CYYR1: variants seen among roughly 807,000 people sequenced by gnomAD.
CYYR1 encodes cysteine and tyrosine-rich protein 1.
CYYR1 carries 14 observed loss-of-function variants against 15.2 expected under a neutral mutation model. The observed-to-expected ratio is 0.92, with a 90% CI of 0.61 to 1.44. CYYR1 has a LOEUF of 1.44. Ranked by LOEUF, CYYR1 falls within the 40% of genes most tolerant of loss-of-function variation. The pLI is 0.00. For synonymous variants in CYYR1, 80 were observed against 77.4 expected (o/e 1.03, Z -0.18); for missense variants, 228 against 209.5 (o/e 1.09, Z -0.54).
intron 2 of CYYR1, among the ~76,000 whole-genome samples, chr21:26,492,345 T>A (rs2065340465): frequency 6.6e-6 from 1 of 152,208 alleles, no homozygotes; most frequent in Non-Finnish European, 1.5e-5. Context: ...GTAATTGGCC[T>A]AGCTTTAATT....
chr21:26,536,180 C>A (rs1978299650), intron 2 of CYYR1, among the ~76,000 whole-genome samples: 1 of 152,054 alleles, frequency 6.6e-6, no homozygotes, highest in Non-Finnish European at 1.5e-5. Context: ...AAAGCAAGGG[C>A]AAAGTCCACC....
At chr21:26,474,998 C>T (rs1009972007) in intron 3 of CYYR1, among the ~76,000 whole-genome samples, 1 of 152,186 alleles carries the variant, frequency 6.6e-6, no homozygotes, top group African/African-American at 2.4e-5. Flanking sequence ...AGAACCCCAA[C>T]CCTTATTAAA....
At position 26,475,502 on chromosome 21, in the gene CYYR1, A is replaced by C. The variant is rs183510483; in HGVS notation, c.334+4770T>G. On this transcript the variant is annotated intron_variant, in intron 3 of 3. Coordinates refer to ENST00000652641, the MANE Select transcript of CYYR1 (RefSeq NM_001320768.2). ...AGACTTAAGGACACTGATTTCCAACAATCCCTTCTATCTTCTGTATTCATC... is the reference window on the plus strand; with the variant it reads ...AGACTTAAGGACACTGATTTCCAACCATCCCTTCTATCTTCTGTATTCATC... Among the ~76,000 whole-genome samples, 684 of 152,212 alleles carry C rather than the reference A, an allele frequency of 4.5e-3. 3 individuals are homozygous for C. Among genetic ancestry groups the C allele is most frequent in the Non-Finnish European group, 6.9e-3 (471 of 67,998 alleles).
At chr21:26,495,132 A>G (rs1468966815) in intron 2 of CYYR1, among the ~76,000 whole-genome samples, 1 of 152,226 alleles carries the variant, frequency 6.6e-6, no homozygotes, top group Non-Finnish European at 1.5e-5. Context: ...AGTTATTCAC[A>G]TAACTTATGT....
rs766866628 is a variant in CYYR1, at chr21:26,476,639, T to TTATC, written c.334+3629_334+3632dup. 1.1e-4 allele frequency among the ~76,000 whole-genome samples: 16 copies of TTATC among 145,678 alleles called. No homozygotes were observed. The South Asian group carries it at 1.1e-3, about 10-fold the overall frequency. On this transcript the variant is annotated intron_variant, in intron 3 of 3. Transcript: ENST00000652641. ...ATCTATCTATCTATCTAATCTTCTATTATCTATCTATCTATCTAAAAATCA... is the reference window on the plus strand; with the variant it reads ...ATCTATCTATCTATCTAATCTTCTATTATCTATCTATCTATCTATCTAAAAATCA...
rs763708386 is a variant in CYYR1 at position 26,468,559 on chromosome 21, G to T, written c.410C>A (p.Pro137Gln). ...ADLPPPYSPT[P>Q]QGPAQRSPPP... ...TGGAGAACGCTGTGCTGGACCCTGT[G>T]GGGTGGGGGAGTATGGAGGAGGCAA... is the stretch of plus-strand genomic sequence containing the variant. The change falls in exon 4 of 4, where the codon CCA (proline) becomes CAA (glutamine). Residue 137 changes from proline to glutamine, a missense_variant. By Grantham distance (76) the Pro-to-Gln change is moderately conservative. Transcript: ENST00000652641. The T allele has an allele frequency of 2.7e-5, 43 of 1,613,404 alleles. No homozygotes were observed. The East Asian group carries it at 9.4e-4, about 35-fold the overall frequency.
rs375469003 is a variant in CYYR1 at position 26,476,745 on chromosome 21, T to C, written c.334+3527A>G. The stretch of plus-strand genomic sequence containing the variant: ...TCTCTTGCTTTCCTTTTGTTAGTAT[T>C]TGACTTTTATATCTTTGGCAAGCCT... On this transcript the variant is annotated intron_variant, in intron 3 of 3. Coordinates refer to ENST00000652641, the MANE Select transcript of CYYR1 (RefSeq NM_001320768.2). 1.1e-4 allele frequency among the ~76,000 whole-genome samples: 17 copies of C among 152,248 alleles called. No homozygotes were observed. The South Asian group carries it at 3.5e-3, about 32-fold the overall frequency.
chr21:26,538,159 A>C (rs968379010), intron 2 of CYYR1, among the ~76,000 whole-genome samples: 4 of 152,176 alleles, frequency 2.6e-5, no homozygotes, highest in Admixed American at 2.6e-4. Context: ...ACCTTCTCTT[A>C]ATTCCAACAA....
chr21:26,500,726 C>G (rs114014868), intron 2 of CYYR1, among the ~76,000 whole-genome samples: 3 of 152,168 alleles, frequency 2.0e-5, no homozygotes, highest in Non-Finnish European at 4.4e-5. Context: ...ATTGGCCACA[C>G]CCCTCTCCCC....
chr21:26,545,567 CTTTTT>C (rs770885517), intron 2 of CYYR1, among the ~76,000 whole-genome samples: 5 of 73,742 alleles, frequency 6.8e-5, no homozygotes, highest in South Asian at 6.1e-4. Flanking sequence ...GATGCTTATT[CTTTTT>C]TTTTTTTTTT....
intron 2 of CYYR1, among the ~76,000 whole-genome samples, chr21:26,499,226 G>T (rs1396136460): frequency 1.3e-5 from 2 of 152,136 alleles, no homozygotes; most frequent in Non-Finnish European, 2.9e-5. Context: ...GTTCATACTG[G>T]ATTACCTGGG....
chr21:26,546,908 A>T (rs1979014209), intron 2 of CYYR1, among the ~76,000 whole-genome samples: 2 of 152,150 alleles, frequency 1.3e-5, no homozygotes, highest in Non-Finnish European at 2.9e-5. Flanking sequence ...TTCAGAGGAC[A>T]TTTAAAAGGC....
chr21:26,538,910 T>C (rs1019149022), intron 2 of CYYR1, among the ~76,000 whole-genome samples: 5 of 152,300 alleles, frequency 3.3e-5, no homozygotes, highest in East Asian at 1.9e-4. Context: ...ATTTGTGATA[T>C]AGTCATATGT....
rs550505020 is a variant in CYYR1 at position 26,475,905 on chromosome 21, T to C, written c.334+4367A>G. Among the ~76,000 whole-genome samples, 625 of 152,298 alleles carry C rather than the reference T, an allele frequency of 4.1e-3. 3 individuals are homozygous for C. Among genetic ancestry groups the C allele is most frequent in the Non-Finnish European group, 6.5e-3 (439 of 68,002 alleles). On this transcript the variant is annotated intron_variant, in intron 3 of 3. Transcript: ENST00000652641. ...CATCTTCATAGTCACAATATTATTATAGAGAATCTTTCCAGTATGAATTTT... is the reference window on the plus strand; with the variant it reads ...CATCTTCATAGTCACAATATTATTACAGAGAATCTTTCCAGTATGAATTTT...
At chr21:26,542,077 C>T (rs952680329) in intron 2 of CYYR1, among the ~76,000 whole-genome samples, 1 of 152,018 alleles carries the variant, frequency 6.6e-6, no homozygotes, top group African/African-American at 2.4e-5. Context: ...CAGAGATTGT[C>T]AGAATTACTT....
intron 2 of CYYR1, among the ~76,000 whole-genome samples, chr21:26,520,111 G>GATAT (rs1491365888): frequency 0.011 from 921 of 83,072 alleles, 57 homozygotes; most frequent in Non-Finnish European, 0.017. Flanking sequence ...AAAAACCCAG[G>GATAT]AGATATATAT....
At chr21:26,470,073 C>A (rs1331306060) in intron 3 of CYYR1, among the ~76,000 whole-genome samples, 2 of 152,122 alleles carry the variant, frequency 1.3e-5, no homozygotes, top group African/African-American at 4.8e-5. Context: ...TAACCCAAAT[C>A]ACAAGACCAG....
At chr21:26,544,290 T>C (rs1978791078) in intron 2 of CYYR1, among the ~76,000 whole-genome samples, 1 of 152,204 alleles carries the variant, frequency 6.6e-6, no homozygotes, top group African/African-American at 2.4e-5. Context: ...AATCCTAAAA[T>C]ATGAACTTAA....
At chr21:26,502,801 T>C in intron 2 of CYYR1, among the ~76,000 whole-genome samples, 1 of 152,204 alleles carries the variant, frequency 6.6e-6, no homozygotes, top group East Asian at 1.9e-4. Context: ...GAAGAGATTT[T>C]TTAAAAAATC....
Sources: allele counts gnomAD v4.1 joint callset (sites outside exome capture counted in the v4.1 genomes callset), GRCh38; gene constraint gnomAD v4.1.1; transcripts MANE v1.5; gene names NCBI Gene and HGNC (gene_info 2026-07-23, HGNC 2026-07-21).